PRR16: variants seen among roughly 807,000 people sequenced by gnomAD.
The protein encoded by PRR16 is proline rich 16.
PRR16 carries 6 observed loss-of-function variants against 18.2 expected under a neutral mutation model. That is an observed-to-expected ratio of 0.33 (90% CI 0.18 to 0.65). The LOEUF is 0.65. Ranked by LOEUF, PRR16 falls within the 30% of genes least tolerant of loss-of-function variation. The pLI is 0.74. For missense variants in PRR16, 412 were observed against 376.6 expected (o/e 1.09, Z -0.78); for synonymous variants, 151 against 147.8 (o/e 1.02, Z -0.16).
At chr5:120,599,796 A>G (rs1188222742) in intron 1 of PRR16, among the ~76,000 whole-genome samples, 2 of 151,748 alleles carry the variant, frequency 1.3e-5, no homozygotes, top group Non-Finnish European at 2.9e-5. Context: ...GTCTTTCCCC[A>G]TGTATTATTG....
intron 1 of PRR16, among the ~76,000 whole-genome samples, chr5:120,653,044 G>T (rs1309871430): frequency 6.6e-6 from 1 of 151,962 alleles, no homozygotes; most frequent in African/African-American, 2.4e-5. Context: ...ATAAGAGTGT[G>T]TATGAGATAT....
chr5:120,754,569 T>C, the PRR16 span, among the ~76,000 whole-genome samples: 2 of 57,692 alleles, frequency 3.5e-5, no homozygotes, highest in African/African-American at 1.7e-4. Context: ...TTATATAATA[T>C]ATTTATATTT....
intron 1 of PRR16, among the ~76,000 whole-genome samples, chr5:120,522,122 C>T (rs906479102): frequency 2.0e-5 from 3 of 152,132 alleles, no homozygotes; most frequent in African/African-American, 7.2e-5. Context: ...AATAGTGCTG[C>T]AATAAACATA....
intron 1 of PRR16, chr5:120,481,025 A>T: frequency 1.1e-6 from 1 of 880,604 alleles, no homozygotes; most frequent in Non-Finnish European, 1.5e-6. Flanking sequence ...ATTAGCATTG[A>T]CTTGAAGTAT....
chr5:120,708,359 A>G, the PRR16 span, among the ~76,000 whole-genome samples: 2 of 152,322 alleles, frequency 1.3e-5, no homozygotes, highest in East Asian at 1.9e-4. Flanking sequence ...AGTTATGGCT[A>G]GCAGTTATTT....
chr5:120,770,865 C>T, the PRR16 span, among the ~76,000 whole-genome samples: 1 of 151,260 alleles, frequency 6.6e-6, no homozygotes, highest in Admixed American at 6.6e-5. Flanking sequence ...CAAGGACATA[C>T]AACTCATTTA....
At chr5:120,783,384 C>G in the PRR16 span, among the ~76,000 whole-genome samples, 1 of 151,850 alleles carries the variant, frequency 6.6e-6, no homozygotes, top group African/African-American at 2.4e-5. Context: ...CACATAATAG[C>G]CAAAACAAAC....
At chr5:120,580,871 A>G (rs1052802734) in intron 1 of PRR16, among the ~76,000 whole-genome samples, 1 of 152,236 alleles carries the variant, frequency 6.6e-6, no homozygotes, top group Admixed American at 6.5e-5. Flanking sequence ...CCAGGGATGA[A>G]GCCAACTTGA....
At chr5:120,673,394 G>C (rs1462196844) in intron 1 of PRR16, among the ~76,000 whole-genome samples, 1 of 152,116 alleles carries the variant, frequency 6.6e-6, no homozygotes, top group Non-Finnish European at 1.5e-5. Flanking sequence ...ATGAAACCAG[G>C]TACTTTGGTC....
At chr5:120,470,918 T>A (rs1749248288) in intron 1 of PRR16, among the ~76,000 whole-genome samples, 1 of 152,080 alleles carries the variant, frequency 6.6e-6, no homozygotes, top group Admixed American at 6.5e-5. Context: ...ATTTTTTTTT[T>A]AACATTTTCT....
At chr5:120,753,049 T>C in the PRR16 span, among the ~76,000 whole-genome samples, 1 of 151,928 alleles carries the variant, frequency 6.6e-6, no homozygotes, top group Non-Finnish European at 1.5e-5. Flanking sequence ...ACATTAATTG[T>C]TGTGAGCAGA....
At chr5:120,725,666 A>C in the PRR16 span, among the ~76,000 whole-genome samples, 4 of 151,994 alleles carry the variant, frequency 2.6e-5, no homozygotes, top group African/African-American at 9.7e-5. Flanking sequence ...GACAGAGGAA[A>C]AATATTCTTA....
chr5:120,602,876 T>C (rs1754028317), intron 1 of PRR16, among the ~76,000 whole-genome samples: 1 of 152,018 alleles, frequency 6.6e-6, no homozygotes. Context: ...TTACTGATTT[T>C]CGTGTTTCAA....
intron 1 of PRR16, among the ~76,000 whole-genome samples, chr5:120,497,366 C>G (rs1441060718): frequency 6.8e-6 from 1 of 147,378 alleles, no homozygotes; most frequent in Admixed American, 6.7e-5. Flanking sequence ...TTTTTGCTTC[C>G]CCTGTTTTGA....
At chr5:120,478,133 T>C (rs1453611929) in intron 1 of PRR16, among the ~76,000 whole-genome samples, 2 of 152,214 alleles carry the variant, frequency 1.3e-5, no homozygotes, top group African/African-American at 2.4e-5. Context: ...TAGTAGATGC[T>C]CATTAAATGA....
intron 1 of PRR16, among the ~76,000 whole-genome samples, chr5:120,501,874 T>C (rs1433366265): frequency 7.2e-6 from 1 of 139,610 alleles, no homozygotes; most frequent in Non-Finnish European, 1.5e-5. Flanking sequence ...GAGAATGGTG[T>C]GAACCTGGCA....
At chr5:120,484,224 T>C (rs926552993) in intron 1 of PRR16, among the ~76,000 whole-genome samples, 2 of 150,840 alleles carry the variant, frequency 1.3e-5, no homozygotes, top group Admixed American at 1.3e-4. Context: ...GTGAGGCAAA[T>C]GTATAAAACA....
chr5:120,586,645 A>T lies in PRR16; in HGVS notation c.160-99309A>T, dbSNP rs1189398214. ...TCTTTGGGGTGCCACAAAAATGCCT[A>T]TATAAGACTTCCAACTAATTGAGAA... On this transcript the variant is annotated intron_variant, in intron 1 of 1. Coordinates refer to ENST00000407149, the MANE Select transcript of PRR16 (RefSeq NM_001300783.2). 2.0e-5 allele frequency among the ~76,000 whole-genome samples: 3 copies of T among 152,282 alleles called. No homozygotes were observed. In the East Asian group the frequency reaches 5.8e-4, roughly 29 times the overall value.
At chr5:120,640,984 A>G (rs954802220) in intron 1 of PRR16, among the ~76,000 whole-genome samples, 4 of 152,104 alleles carry the variant, frequency 2.6e-5, no homozygotes, top group Admixed American at 6.6e-5. Flanking sequence ...CCATTGCCCA[A>G]AATTTTTAAG....
Sources: allele counts gnomAD v4.1 joint callset (sites outside exome capture counted in the v4.1 genomes callset), GRCh38; gene constraint gnomAD v4.1.1; transcripts MANE v1.5; gene names NCBI Gene and HGNC (gene_info 2026-07-23, HGNC 2026-07-21).